Variants in C7 observed in about 807,000 individuals in gnomAD.
C7 encodes complement component C7.
Under a neutral mutation model 104.8 loss-of-function variants are expected in C7, and 83 were observed. The observed-to-expected ratio is 0.79, with a 90% CI of 0.66 to 0.95. The LOEUF is 0.95. Ranked by LOEUF, C7 falls within the 40% of genes least tolerant of loss-of-function variation. The probability of loss-of-function intolerance (pLI) is 0.00; values close to 1 mark genes in which losing one functional copy is unlikely to be tolerated. For synonymous variants in C7, 415 were observed against 360.6 expected (o/e 1.15, Z -1.71); for missense variants, 1,070 against 1,011.2 (o/e 1.06, Z -0.79).
intron 17 of C7, among the ~76,000 whole-genome samples, chr5:40,980,893 T>G (rs1579882083): frequency 1.3e-5 from 2 of 152,222 alleles, no homozygotes; most frequent in Non-Finnish European, 2.9e-5. Context: ...TCCTGGCTGG[T>G]GTATTCCAAC....
chr5:40,976,113 ATTT>A (rs1181038433), intron 15 of C7, among the ~76,000 whole-genome samples: 5 of 152,360 alleles, frequency 3.3e-5, no homozygotes, highest in Admixed American at 6.5e-5. Flanking sequence ...TATAGAAAGA[ATTT>A]TATTAACGTA....
intron 1 of C7, among the ~76,000 whole-genome samples, chr5:40,918,984 A>ACACG (rs1739384247): frequency 6.9e-6 from 1 of 144,576 alleles, no homozygotes; most frequent in African/African-American, 2.5e-5. Context: ...ACACACACAC[A>ACACG]CACACACAGA....
At chr5:40,980,739 C>T (rs1021687898) in intron 17 of C7, among the ~76,000 whole-genome samples, 3 of 152,164 alleles carry the variant, frequency 2.0e-5, no homozygotes, top group African/African-American at 7.2e-5. Flanking sequence ...GGCCTGTACC[C>T]GCTGGCACCT....
chr5:40,947,685 G>A lies in C7; in HGVS notation c.822G>A (p.Glu274=). Residue 274 remains glutamate, a synonymous_variant, in exon 8 of 18, where the codon GAG becomes GAA. Transcript: ENST00000313164. ...NNNPEFLQLA[E]PFWKELSHLP... ...ATCCAGAATTTTTACAACTTGCTGA[G>A]CCATTCTGGAAGGAGCTTTCCCACC... 1 of 1,613,718 alleles carries A rather than the reference G, an allele frequency of 6.2e-7. No individual in the cohort carries two copies. The highest frequency in any genetic ancestry group is 8.5e-7 in the Non-Finnish European group (1 of 1,179,794).
At chr5:40,917,391 C>T (rs1203145742) in intron 1 of C7, among the ~76,000 whole-genome samples, 1 of 152,050 alleles carries the variant, frequency 6.6e-6, no homozygotes, top group Non-Finnish European at 1.5e-5. Context: ...TTTATTTCTG[C>T]TTGTTTTATT....
At chr5:40,974,489 C>T (rs905467627) in intron 15 of C7, among the ~76,000 whole-genome samples, 14 of 151,442 alleles carry the variant, frequency 9.2e-5, no homozygotes, top group Non-Finnish European at 1.8e-4. Context: ...AATCTCAGCT[C>T]ACTGCAAGTT....
chr5:40,965,545 C>A (rs1381096101), intron 14 of C7, among the ~76,000 whole-genome samples: 1 of 151,992 alleles, frequency 6.6e-6, no homozygotes, highest in African/African-American at 2.4e-5. Context: ...TGATTTACAT[C>A]TCTAGCATAA....
At chr5:40,950,205 C>T (rs557341611) in intron 9 of C7, among the ~76,000 whole-genome samples, 191 bp downstream of exon 9, 21 of 151,518 alleles carry the variant, frequency 1.4e-4, no homozygotes, top group African/African-American at 4.8e-4. Context: ...CCTCCTCCCA[C>T]TCTCCACTCT....
chr5:40,933,607 C>G (rs1739742262), intron 3 of C7, among the ~76,000 whole-genome samples: 1 of 152,180 alleles, frequency 6.6e-6, no homozygotes, highest in East Asian at 1.9e-4. Flanking sequence ...GATGTAGCTT[C>G]ACCTTTGGAT....
chr5:40,975,197 C>T (rs1438607516), intron 15 of C7, among the ~76,000 whole-genome samples: 1 of 151,912 alleles, frequency 6.6e-6, no homozygotes, highest in Non-Finnish European at 1.5e-5. Context: ...TCTTACATAA[C>T]ACAACTTGGT....
At chr5:40,971,503 T>C (rs908069638) in intron 14 of C7, among the ~76,000 whole-genome samples, 2 of 152,228 alleles carry the variant, frequency 1.3e-5, no homozygotes, top group Non-Finnish European at 2.9e-5. Context: ...GTCAGATAGA[T>C]AGATTACAAA....
chr5:40,942,596 A>C (rs1739962241), intron 6 of C7, among the ~76,000 whole-genome samples: 1 of 151,960 alleles, frequency 6.6e-6, no homozygotes, highest in African/African-American at 2.4e-5. Context: ...AATTTTGAAA[A>C]ATTTTCAAAA....
Position 40,937,533 on chromosome 5 carries a change from C to T in C7, c.429-19C>T. ...AACGGCTTTTTATTTCCTCCTTCTC[C>T]TCCTCCTCCTTTTAACAGTTACAAT... On this transcript the variant is annotated intron_variant, in intron 5 of 17. Coordinates refer to ENST00000313164, the MANE Select transcript of C7 (RefSeq NM_000587.4). 5.1e-6 allele frequency: 8 copies of T among 1,575,610 alleles called. No individual in the cohort carries two copies. Among genetic ancestry groups the T allele is most frequent in the South Asian group, 2.4e-5 (2 of 84,100 alleles).
At chr5:40,940,337 G>A (rs1019487481) in intron 6 of C7, among the ~76,000 whole-genome samples, 2 of 152,142 alleles carry the variant, frequency 1.3e-5, no homozygotes, top group Non-Finnish European at 2.9e-5. Context: ...TATACAACAA[G>A]GAAGGCATTT....
At chr5:40,930,908 C>G (rs1739667952) in intron 2 of C7, among the ~76,000 whole-genome samples, 156 bp from the exon 3 acceptor site, 1 of 152,040 alleles carries the variant, frequency 6.6e-6, no homozygotes, top group East Asian at 1.9e-4. Context: ...AAGTGGGGCT[C>G]CCTCCATTTT....
At chr5:40,944,789 A>G (rs1740011036) in intron 6 of C7, among the ~76,000 whole-genome samples, 8 of 152,222 alleles carry the variant, frequency 5.3e-5, no homozygotes, top group Admixed American at 5.2e-4. Flanking sequence ...ACAAAGTCCA[A>G]AAGAGCTAAT....
At chr5:40,950,046 GCTTAA>G (rs1740134826) in intron 9 of C7, 32 bp downstream of exon 9, 1 of 1,281,028 alleles carries the variant, frequency 7.8e-7, no homozygotes, top group African/African-American at 1.5e-5. Flanking sequence ...TGCATTGCAA[GCTTAA>G]CTTCTTTTTT....
chr5:40,971,163 C>T (rs767818784), intron 14 of C7, among the ~76,000 whole-genome samples: 7 of 152,016 alleles, frequency 4.6e-5, no homozygotes, highest in African/African-American at 1.4e-4. Flanking sequence ...ATTGCCATAC[C>T]GTCTTCCACA....
chr5:40,936,050 A>G (rs1739808400), intron 4 of C7, among the ~76,000 whole-genome samples: 1 of 152,176 alleles, frequency 6.6e-6, no homozygotes, highest in Admixed American at 6.6e-5. Flanking sequence ...AGTCGGAATT[A>G]TATAATTTAG....
Sources: gnomAD v4.1 joint callset for allele counts (sites outside exome capture counted in the v4.1 genomes callset) on GRCh38, gnomAD v4.1.1 for gene constraint, MANE v1.5 for transcripts, NCBI Gene and HGNC (gene_info 2026-07-23, HGNC 2026-07-21) for gene names.